The following CHD1L variants were observed in gnomAD, a reference collection of about 807,000 sequenced individuals.
CHD1L encodes the protein ATP-dependent chromatin remodeler CHD1L.
A neutral mutation model predicts 115.9 loss-of-function variants in CHD1L; 118 were observed. That is an observed-to-expected ratio of 1.02 (90% CI 0.88 to 1.19). CHD1L has a LOEUF of 1.19. CHD1L is among the 50% of genes most tolerant of loss of function. The probability of loss-of-function intolerance (pLI) is 0.00; values close to 1 mark genes in which losing one functional copy is unlikely to be tolerated. For synonymous variants in CHD1L, 411 were observed against 387.1 expected (o/e 1.06, Z -0.72); for missense variants, 1,179 against 1,065.3 (o/e 1.11, Z -1.49).
the CHD1L span, among the ~76,000 whole-genome samples, chr1:147,177,770 C>T: frequency 6.6e-6 from 1 of 152,308 alleles, no homozygotes; most frequent in East Asian, 1.9e-4. Context: ...GAAACTGTCA[C>T]AGTCTAGAAG....
rs1259425316 is a variant in CHD1L, at chr1:147,293,623, G to A, written c.2407G>A (p.Ala803Thr). 1.2e-6 allele frequency: 2 copies of A among 1,614,008 alleles called. No individual in the cohort carries two copies. The highest frequency in any genetic ancestry group is 4.5e-5 in the East Asian group (2 of 44,872). Reference sequence around the variant, plus strand: ...TTCTTTCCAGTTGGCCTTGATTGTGGCTCAGCATCGTGATCGTTCCAATGT... The same window carrying A: ...TTCTTTCCAGTTGGCCTTGATTGTGACTCAGCATCGTGATCGTTCCAATGT... ...KGQDLLALIV[A>T]QHRDRSNVLS... The change falls in exon 21 of 23, where the codon GCT becomes ACT. Residue 803 changes from alanine to threonine, a missense_variant. Physicochemically the swap from Ala to Thr is moderately conservative, Grantham distance 58 (BLOSUM62 0). Transcript: ENST00000369258.
chr1:147,186,163 A>C, the CHD1L span: 2 of 204,088 alleles, frequency 9.8e-6, no homozygotes, highest in African/African-American at 4.7e-5. Context: ...AAAGAGATTT[A>C]AAAAGGTAGG....
In CHD1L at chr1:147,252,348, A is replaced by G. The variant is rs3820130; in HGVS notation, c.128-275A>G. Among the ~76,000 whole-genome samples, 14,271 of 152,260 alleles carry G rather than the reference A, an allele frequency of 0.094. 741 individuals are homozygous for G. The highest frequency in any genetic ancestry group is 0.16 in the East Asian group (812 of 5,170). On this transcript the variant is annotated intron_variant, in intron 1 of 22. Transcript: ENST00000369258. ...GTGAGTCTCAGGCAGTATAGAGGCC[A>G]GATCCCAAGTTGACTTTCTCATTTA...
At chr1:147,188,248 C>T in the CHD1L span, among the ~76,000 whole-genome samples, 7 of 152,066 alleles carry the variant, frequency 4.6e-5, no homozygotes, top group Non-Finnish European at 8.8e-5. Context: ...TGAGGTTGGG[C>T]GTGGTGTTTC....
At chr1:147,256,185 G>C (rs1553940236) in intron 4 of CHD1L, among the ~76,000 whole-genome samples, 1 of 152,096 alleles carries the variant, frequency 6.6e-6, no homozygotes, top group East Asian at 1.9e-4. Context: ...GCTGCCTCTT[G>C]GTTGATGAAC....
chr1:147,295,057 A>T (rs1249272430), intron 22 of CHD1L, among the ~76,000 whole-genome samples: 5 of 152,196 alleles, frequency 3.3e-5, no homozygotes, highest in Non-Finnish European at 7.3e-5. Flanking sequence ...ATTTTGAACT[A>T]TTATATTGAG....
At chr1:147,206,387 A>G in the CHD1L span, among the ~76,000 whole-genome samples, 1 of 152,334 alleles carries the variant, frequency 6.6e-6, no homozygotes, top group South Asian at 2.1e-4. Context: ...TAGAAATACC[A>G]TTTGACCCAA....
chr1:147,264,407 A>G lies in CHD1L; in HGVS notation c.577-15A>G. ...GTGTTATGGAATTTTTATTTTATTT[A>G]TTTATGTATTTGAGTTCTCAGTAGT... On this transcript the variant is annotated splice_polypyrimidine_tract_variant and intron_variant, in intron 6 of 22. Coordinates refer to ENST00000369258, the MANE Select transcript of CHD1L (RefSeq NM_004284.6). 1 of 1,558,514 alleles carries G rather than the reference A, an allele frequency of 6.4e-7. No individual in the cohort carries two copies. The highest frequency in any genetic ancestry group is 8.7e-7 in the Non-Finnish European group (1 of 1,150,966).
the CHD1L span, among the ~76,000 whole-genome samples, chr1:147,183,468 A>T: frequency 1.3e-5 from 2 of 152,252 alleles, no homozygotes; most frequent in Admixed American, 6.5e-5. Context: ...CACACAGATT[A>T]AGTACAAAAT....
At chr1:147,255,536 T>C (rs587645514) in intron 3 of CHD1L, among the ~76,000 whole-genome samples, 3 of 152,206 alleles carry the variant, frequency 2.0e-5, no homozygotes, top group South Asian at 2.1e-4. Context: ...CTATTTTTCA[T>C]AGTGACGTAG....
rs61756300 is a variant in CHD1L, at chr1:147,291,489, T to A, written c.2328T>A (p.Ser776Arg). The change falls in exon 20 of 23, where the codon AGT becomes AGA. Residue 776 changes from serine (S) to arginine (R), a missense_variant. By Grantham distance (110) the Ser-to-Arg change is moderately radical. Transcript: ENST00000369258. ...YELAGKMKDL[S>R]LGGVLLFPVD... ...CTTTCTGTTTTACCTCAGACCTGAG[T>A]TTGGGAGGTGTCCTTTTATTTCCTG... 5,904 of 1,613,696 alleles carry A rather than the reference T, an allele frequency of 3.7e-3. 180 individuals are homozygous for A. In the African/African-American group the frequency reaches 0.067, roughly 18 times the overall value.
At position 147,284,111 on chromosome 1, in the gene CHD1L, A is replaced by G. The variant is rs72999655; in HGVS notation, c.1706-240A>G. On this transcript the variant is annotated intron_variant, in intron 15 of 22. Coordinates refer to ENST00000369258, the MANE Select transcript of CHD1L (RefSeq NM_004284.6). ...GCAGAGATTCACAAACCATCTAGGGATGAACCAAAGGGTTTTAAGCCATGC... is the reference window on the plus strand; with the variant it reads ...GCAGAGATTCACAAACCATCTAGGGGTGAACCAAAGGGTTTTAAGCCATGC... 0.014 allele frequency among the ~76,000 whole-genome samples: 2,138 copies of G among 152,308 alleles called. 44 individuals are homozygous for G. The highest frequency in any genetic ancestry group is 0.049 in the African/African-American group (2,031 of 41,556).
upstream of CHD1L, among the ~76,000 whole-genome samples, chr1:147,241,371 AG>A (rs1664861628): frequency 6.6e-6 from 1 of 152,086 alleles, no homozygotes; most frequent in South Asian, 2.1e-4. Flanking sequence ...TGGCTCAAAA[AG>A]CTCCCCTACC....
intron 16 of CHD1L, 64 bp from the exon 17 acceptor site, chr1:147,285,260 A>G: frequency 6.5e-7 from 1 of 1,531,540 alleles, no homozygotes; most frequent in East Asian, 2.3e-5. Context: ...AGTGTGTGTT[A>G]GGGATAATGA....
At chr1:147,255,689 TG>T in intron 3 of CHD1L, 123 bp from the exon 4 acceptor site, 1 of 582,982 alleles carries the variant, frequency 1.7e-6, no homozygotes, top group Non-Finnish European at 2.9e-6. Flanking sequence ...CCCAAGACTC[TG>T]GTTGTAGGAC....
intron 14 of CHD1L, among the ~76,000 whole-genome samples, chr1:147,277,189 T>C (rs919275133): frequency 7.2e-5 from 11 of 151,944 alleles, no homozygotes; most frequent in African/African-American, 2.4e-4. Flanking sequence ...GCAGTAAAAA[T>C]ACAATATAAA....
At chr1:147,194,669 T>C in the CHD1L span, among the ~76,000 whole-genome samples, 2 of 152,282 alleles carry the variant, frequency 1.3e-5, no homozygotes, top group Admixed American at 6.5e-5. Context: ...CCATGTTTAG[T>C]GCTTCCTTCA....
chr1:147,235,351 A>G, the CHD1L span, among the ~76,000 whole-genome samples: 1 of 152,218 alleles, frequency 6.6e-6, no homozygotes, highest in Non-Finnish European at 1.5e-5. Context: ...TACCTTGGAC[A>G]TTCAAATTTG....
chr1:147,178,386 C>T, the CHD1L span: 1 of 1,611,626 alleles, frequency 6.2e-7, no homozygotes, highest in South Asian at 1.1e-5. Flanking sequence ...ACACTAACAC[C>T]TGTAATAAAT....
Sources: gnomAD v4.1 joint callset for allele counts (sites outside exome capture counted in the v4.1 genomes callset) on GRCh38, gnomAD v4.1.1 for gene constraint, MANE v1.5 for transcripts, NCBI Gene and HGNC (gene_info 2026-07-23, HGNC 2026-07-21) for gene names.